QRSL1: variants seen among roughly 807,000 people sequenced by gnomAD.
QRSL1 encodes glutamyl-tRNA(Gln) amidotransferase subunit A, mitochondrial.
Under a neutral mutation model 61.6 loss-of-function variants are expected in QRSL1, and 54 were observed. That is an observed-to-expected ratio of 0.88 (90% CI 0.70 to 1.10). The LOEUF (loss-of-function observed/expected upper bound fraction) is 1.10, where lower values mean the gene tolerates loss of function less well. QRSL1 is among the 50% of genes least tolerant of loss of function. The pLI, the probability that QRSL1 is intolerant of heterozygous loss-of-function variation, is 0.00. For missense variants in QRSL1, 505 were observed against 622.6 expected, an observed-to-expected ratio of 0.81 and a Z score of 2.01; for synonymous variants, 228 against 225.7, an observed-to-expected ratio of 1.01 and a Z score of -0.09.
intron 10 of QRSL1, among the ~76,000 whole-genome samples, chr6:106,665,312 CA>C (rs1777414263): frequency 6.6e-6 from 1 of 152,176 alleles, no homozygotes; most frequent in African/African-American, 2.4e-5. Flanking sequence ...GGTGGAAGTT[CA>C]AAATGGTACA....
intron 1 of QRSL1, among the ~76,000 whole-genome samples, chr6:106,635,550 A>G (rs1776906749): frequency 1.3e-5 from 2 of 152,184 alleles, no homozygotes; most frequent in African/African-American, 4.8e-5. Flanking sequence ...CTGTACCTTC[A>G]GCACTTACCA....
At chr6:106,658,342 T>A (rs575646833) in intron 9 of QRSL1, among the ~76,000 whole-genome samples, 1 of 152,170 alleles carries the variant, frequency 6.6e-6, no homozygotes, top group South Asian at 2.1e-4. Flanking sequence ...TTGGTTTATA[T>A]GTAGAACTCT....
intron 9 of QRSL1, among the ~76,000 whole-genome samples, chr6:106,655,979 T>G (rs534333765): frequency 2.6e-5 from 4 of 152,236 alleles, no homozygotes; most frequent in Non-Finnish European, 5.9e-5. Flanking sequence ...AACCTTGGAT[T>G]CAACCAAACA....
intron 4 of QRSL1, among the ~76,000 whole-genome samples, chr6:106,643,654 T>A (rs1777060161): frequency 6.7e-6 from 1 of 149,980 alleles, no homozygotes; most frequent in Non-Finnish European, 1.5e-5. Flanking sequence ...CACTCCAGCC[T>A]GGGCTACAAG....
At chr6:106,660,338 C>G (rs915424955) in intron 9 of QRSL1, among the ~76,000 whole-genome samples, 1 of 150,280 alleles carries the variant, frequency 6.7e-6, no homozygotes, top group African/African-American at 2.4e-5. Context: ...CCACCCCCCC[C>G]GTGAAGCTAG....
At chr6:106,641,109 C>T (rs1451292939) in intron 3 of QRSL1, among the ~76,000 whole-genome samples, 188 bp downstream of exon 3, 1 of 152,130 alleles carries the variant, frequency 6.6e-6, no homozygotes, top group Non-Finnish European at 1.5e-5. Context: ...GGTCAGCCAG[C>T]TTAATGAATG....
intron 3 of QRSL1, chr6:106,642,558 A>G: frequency 5.5e-6 from 4 of 729,770 alleles, no homozygotes; most frequent in East Asian, 2.5e-5. Flanking sequence ...TGAACCTATA[A>G]GAAAGGTGAT....
chr6:106,649,215 C>T lies in QRSL1; in HGVS notation c.557+14C>T. 1 of 1,610,122 alleles carries T rather than the reference C, an allele frequency of 6.2e-7. No individual in the cohort carries two copies. The highest frequency in any genetic ancestry group is 8.5e-7 in the Non-Finnish European group (1 of 1,178,274). Reference sequence around the variant, plus strand: ...CACATGCTACGCGTAAGATGCTTTTCTCTATCTGTATTTTAAAACCCACCC... The same window carrying T: ...CACATGCTACGCGTAAGATGCTTTTTTCTATCTGTATTTTAAAACCCACCC... On this transcript the variant is annotated intron_variant, in intron 5 of 10. Coordinates refer to ENST00000369046, the MANE Select transcript of QRSL1 (RefSeq NM_018292.5).
intron 9 of QRSL1, among the ~76,000 whole-genome samples, chr6:106,656,859 G>A (rs1777279484): frequency 6.6e-6 from 1 of 152,134 alleles, no homozygotes; most frequent in Non-Finnish European, 1.5e-5. Context: ...ATCCTGCCAT[G>A]TTGCCCAGGC....
intron 1 of QRSL1, among the ~76,000 whole-genome samples, chr6:106,631,528 G>A (rs1399971967): frequency 1.3e-5 from 2 of 152,324 alleles, no homozygotes; most frequent in African/African-American, 4.8e-5. Flanking sequence ...ACAAGGATCA[G>A]TCACAAAGGT....
At chr6:106,633,075 G>A (rs780997345) in intron 1 of QRSL1, among the ~76,000 whole-genome samples, 5 of 152,152 alleles carry the variant, frequency 3.3e-5, no homozygotes, top group African/African-American at 4.8e-5. Context: ...AACTTTTGCC[G>A]CATGGGGGGA....
intron 9 of QRSL1, among the ~76,000 whole-genome samples, chr6:106,658,966 C>T (rs112048010): frequency 6.7e-6 from 1 of 148,936 alleles, no homozygotes; most frequent in Non-Finnish European, 1.5e-5. Flanking sequence ...CTTTTTTTTT[C>T]CCCCAGTCTT....
rs146046737 is a variant in QRSL1 at position 106,639,017 on chromosome 6, G to T, written c.25-1332G>T. On this transcript the variant is annotated intron_variant, in intron 1 of 10. Coordinates refer to ENST00000369046, the MANE Select transcript of QRSL1 (RefSeq NM_018292.5). ...GGTCACCTTGTCCTTTACTATTTGT[G>T]TGACTTTGGGCAAATCACTCAAGGT... Among the ~76,000 whole-genome samples the T allele has an allele frequency of 3.2e-3, 481 of 151,602 alleles. 2 individuals carry two copies. Among genetic ancestry groups the T allele is most frequent in the Middle Eastern group, 0.01 (3 of 294 alleles).
At position 106,667,321 on chromosome 6, in the gene QRSL1, C is replaced by T. The variant is rs1434153594; in HGVS notation, c.*1319C>T. The T allele has an allele frequency of 6.6e-6, 1 of 152,080 alleles. No homozygotes were observed. The highest frequency in any genetic ancestry group is 1.5e-5 in the Non-Finnish European group (1 of 68,028). 9.4% of individuals were successfully genotyped at this position (152,080 alleles called of 1,614,324 possible). On this transcript the variant is annotated 3_prime_UTR_variant, in exon 11 of 11. Transcript: ENST00000369046. ...ACGAGTGTTTTTTATTTGGGACCCTCGAGCCCAGAGATATTAATGGATATC... is the reference window on the plus strand; with the variant it reads ...ACGAGTGTTTTTTATTTGGGACCCTTGAGCCCAGAGATATTAATGGATATC...
chr6:106,661,264 C>A (rs557910742), intron 9 of QRSL1, among the ~76,000 whole-genome samples: 3 of 152,172 alleles, frequency 2.0e-5, no homozygotes, highest in Non-Finnish European at 4.4e-5. Flanking sequence ...CAGGCGCCCA[C>A]CACCATGCCC....
intron 5 of QRSL1, 72 bp downstream of exon 5, chr6:106,649,273 T>C (rs370631868): frequency 6.8e-7 from 1 of 1,473,220 alleles, no homozygotes; most frequent in Admixed American, 2.0e-5. Context: ...TATCCAGCAA[T>C]AGAGTAGTTC....
At chr6:106,663,235 T>C (rs1309315537) in intron 10 of QRSL1, 50 bp downstream of exon 10, 1 of 1,555,202 alleles carries the variant, frequency 6.4e-7, no homozygotes, top group South Asian at 1.1e-5. Flanking sequence ...CTTAGGCAGG[T>C]ACCCTGGTCT....
At position 106,649,099 on chromosome 6, in the gene QRSL1, G is replaced by A. The variant is rs1293649433; in HGVS notation, c.455G>A (p.Arg152Lys). 2.5e-6 allele frequency: 4 copies of A among 1,614,078 alleles called. No homozygotes were observed. In the East Asian group the frequency reaches 8.9e-5, roughly 36 times the overall value. The change falls in exon 5 of 11, where the codon AGG (arginine) becomes AAG (lysine). Residue 152 changes from arginine (R) to lysine (K), a missense_variant. Transcript: ENST00000369046. ...WSYSKQYREKRKQNPHSENED... is the reference protein window; with the variant it reads ...WSYSKQYREKKKQNPHSENED... Reference sequence around the variant, plus strand: ...TATTCAAAACAATATAGAGAAAAGAGGAAGCAGAATCCCCACAGCGAGAAT... The same window carrying A: ...TATTCAAAACAATATAGAGAAAAGAAGAAGCAGAATCCCCACAGCGAGAAT...
intron 7 of QRSL1, chr6:106,653,685 G>A (rs1461961008): frequency 6.6e-6 from 1 of 152,028 alleles, no homozygotes; most frequent in Non-Finnish European, 1.5e-5. Context: ...ATTGTGGGGT[G>A]TGGTGGTGTG....
Sources: gnomAD v4.1 joint callset for allele counts (sites outside exome capture counted in the v4.1 genomes callset) on GRCh38, gnomAD v4.1.1 for gene constraint, MANE v1.5 for transcripts, NCBI Gene and HGNC (gene_info 2026-07-23, HGNC 2026-07-21) for gene names.